The following ISCA1 variants were observed in gnomAD, a reference collection of about 807,000 sequenced individuals.
ISCA1 encodes iron-sulfur cluster assembly 1.
A neutral mutation model predicts 14.7 loss-of-function variants in ISCA1; 9 were observed. That is an observed-to-expected ratio of 0.61 (90% CI 0.37 to 1.07). The LOEUF (loss-of-function observed/expected upper bound fraction) is 1.07. Among genes scored for constraint, ISCA1 ranks in the 50% least tolerant of loss-of-function variants. The probability of loss-of-function intolerance (pLI) is 0.01; values close to 1 mark genes in which losing one functional copy is unlikely to be tolerated. For missense variants in ISCA1, 102 were observed against 150.1 expected (o/e 0.68, Z 1.67); for synonymous variants, 38 against 54.3 (o/e 0.70, Z 1.32).
intron 1 of ISCA1, among the ~76,000 whole-genome samples, chr9:86,276,086 T>C (rs1825436644): frequency 6.6e-6 from 1 of 152,130 alleles, no homozygotes; most frequent in South Asian, 2.1e-4. Context: ...AATAATTATA[T>C]AACTCATCAA....
chr9:86,282,195 T>C lies in ISCA1; in HGVS notation c.81+183A>G, dbSNP rs554464930. 4.0e-5 allele frequency: 26 copies of C among 653,566 alleles called. No homozygotes were observed. In the East Asian group the frequency reaches 7.6e-4, roughly 19 times the overall value. The allele number at this position is 653,566 out of a possible 1,614,324, so 40.5% of individuals were successfully genotyped here. Reference sequence around the variant, plus strand: ...AGAGAGCAGCCCCGCCCGGGACTTGTTTATCGTTGCAAAGAGGGGCCGGAG... The same window carrying C: ...AGAGAGCAGCCCCGCCCGGGACTTGCTTATCGTTGCAAAGAGGGGCCGGAG... On this transcript the variant is annotated intron_variant, in intron 1 of 3. Transcript: ENST00000375991.
intron 2 of ISCA1, among the ~76,000 whole-genome samples, chr9:86,272,486 G>C (rs1365092070): frequency 6.6e-6 from 1 of 152,206 alleles, no homozygotes; most frequent in Admixed American, 6.5e-5. Context: ...TTATAGTGCA[G>C]ACTTGTGTAC....
chr9:86,265,979 T>C lies in ISCA1; in HGVS notation c.*64A>G, dbSNP rs566679381. ...CAGCACGTGACAGTCACATGATTTC[T>C]GCAGTGAGCCCCAAAGCTTCCACGA... On this transcript the variant is annotated 3_prime_UTR_variant, in exon 4 of 4. Coordinates refer to ENST00000375991, the MANE Select transcript of ISCA1 (RefSeq NM_030940.4). The C allele has an allele frequency of 8.7e-6, 14 of 1,606,264 alleles. No individual in the cohort carries two copies. Among genetic ancestry groups the C allele is most frequent in the Admixed American group, 3.3e-5 (2 of 60,002 alleles).
chr9:86,272,827 G>T (rs1023792294), intron 2 of ISCA1, among the ~76,000 whole-genome samples: 1 of 152,158 alleles, frequency 6.6e-6, no homozygotes, highest in Non-Finnish European at 1.5e-5. Context: ...TTGAATACCT[G>T]TAACAATGTA....
intron 3 of ISCA1, among the ~76,000 whole-genome samples, chr9:86,269,808 C>T (rs1768785040): frequency 1.3e-5 from 2 of 152,036 alleles, no homozygotes; most frequent in African/African-American, 4.8e-5. Flanking sequence ...ACTATCTGAT[C>T]TTTGACAAAC....
chr9:86,274,310 C>A, intron 1 of ISCA1, 68 bp from the exon 2 acceptor site: 1 of 1,041,132 alleles, frequency 9.6e-7, no homozygotes, highest in South Asian at 1.3e-5. Flanking sequence ...TATCAGTCTT[C>A]GTAAGTCTGT....
intron 2 of ISCA1, among the ~76,000 whole-genome samples, chr9:86,272,760 C>A (rs1216254453): frequency 6.6e-6 from 1 of 152,170 alleles, no homozygotes; most frequent in African/African-American, 2.4e-5. Context: ...AATGGCACTG[C>A]ATTTGTATAT....
rs1277492298 is a variant in ISCA1 at position 86,282,396 on chromosome 9, G to C, written c.63C>G (p.Thr21=). The C allele has an allele frequency of 1.5e-5, 23 of 1,552,296 alleles. No homozygotes were observed. In the East Asian group the frequency reaches 4.4e-4, roughly 29 times the overall value. Residue 21 remains threonine, a synonymous_variant, in exon 1 of 4, where the codon ACC becomes ACG. Transcript: ENST00000375991. ...RAVSKRKLQP[T]RAALTLTPSA... ...CACTCACCAGGGTGAGGGCTGCCCG[G>C]GTGGGCTGCAGCTTCCTCTTGCTCA...
At chr9:86,281,045 G>A (rs930694980) in intron 1 of ISCA1, among the ~76,000 whole-genome samples, 1 of 152,016 alleles carries the variant, frequency 6.6e-6, no homozygotes, top group African/African-American at 2.4e-5. Context: ...GAACCTTCTG[G>A]CTCTTCCTGG....
intron 1 of ISCA1, among the ~76,000 whole-genome samples, chr9:86,277,630 A>G (rs1825454322): frequency 6.6e-6 from 1 of 152,218 alleles, no homozygotes; most frequent in South Asian, 2.1e-4. Context: ...ACTACACAGC[A>G]TGCTGCAGGG....
chr9:86,280,973 A>C lies in ISCA1; in HGVS notation c.81+1405T>G, dbSNP rs528186856. 3.0e-4 allele frequency among the ~76,000 whole-genome samples: 38 copies of C among 125,400 alleles called. 1 individual carries two copies. The highest frequency in any genetic ancestry group is 1.1e-3 in the Admixed American group (15 of 13,906). 82.3% of individuals were successfully genotyped at this position (125,400 alleles called of 152,430 possible). A position where few individuals can be genotyped will look rare whatever the true frequency, so the allele number is the denominator to read the frequency against. On this transcript the variant is annotated intron_variant, in intron 1 of 3. Coordinates refer to ENST00000375991, the MANE Select transcript of ISCA1 (RefSeq NM_030940.4). ...ACAAACAAACAAACAAAAAACAAAA[A>C]ACAAAAAACCCAGTTAATAGGGTTG... is the stretch of plus-strand genomic sequence containing the variant.
chr9:86,282,238 G>A, intron 1 of ISCA1, 140 bp downstream of exon 1: 1 of 877,498 alleles, frequency 1.1e-6, no homozygotes, highest in South Asian at 1.9e-5. Context: ...AGGCGGCGAG[G>A]CTGTGCGGCG....
intron 1 of ISCA1, among the ~76,000 whole-genome samples, chr9:86,277,153 T>A (rs1825448581): frequency 6.6e-6 from 1 of 152,168 alleles, no homozygotes; most frequent in Admixed American, 6.5e-5. Flanking sequence ...AACACTTAAA[T>A]ACAGTAAATG....
chr9:86,272,655 C>A (rs892909193), intron 2 of ISCA1, among the ~76,000 whole-genome samples: 8 of 152,186 alleles, frequency 5.3e-5, no homozygotes, highest in African/African-American at 9.6e-5. Flanking sequence ...GCTGATTTTT[C>A]ATTTAAATAC....
At chr9:86,269,674 C>T (rs1392472041) in intron 3 of ISCA1, among the ~76,000 whole-genome samples, 2 of 151,920 alleles carry the variant, frequency 1.3e-5, no homozygotes, top group African/African-American at 4.8e-5. Context: ...AGGCATCACG[C>T]TACTTGACTT....
In ISCA1 at chr9:86,265,699, T is replaced by C. The variant is rs900945180; in HGVS notation, c.*344A>G. The stretch of plus-strand genomic sequence containing the variant: ...CAGATTTTAGGAGTCACCGATCTGG[T>C]TGGGAGAAATGCTGAGGGATGATCA... On this transcript the variant is annotated 3_prime_UTR_variant, in exon 4 of 4. Transcript: ENST00000375991. The C allele has an allele frequency of 4.4e-5, 12 of 273,858 alleles. No homozygotes were observed. Among genetic ancestry groups the C allele is most frequent in the African/African-American group, 8.9e-5 (4 of 44,894 alleles). The allele number at this position is 273,858 out of a possible 1,614,324, so 17.0% of individuals were successfully genotyped here.
chr9:86,267,185 A>T (rs940622123), intron 3 of ISCA1: 2 of 301,546 alleles, frequency 6.6e-6, no homozygotes, highest in Non-Finnish European at 4.9e-6. Flanking sequence ...TGATTGTGCC[A>T]CTGCACTCCA....
intron 1 of ISCA1, among the ~76,000 whole-genome samples, chr9:86,280,596 A>T: frequency 3.8e-5 from 5 of 133,048 alleles, no homozygotes; most frequent in South Asian, 4.5e-4. Context: ...CCCTGTCTCA[A>T]AAAAAAAAAA....
intron 3 of ISCA1, among the ~76,000 whole-genome samples, chr9:86,268,552 C>T (rs143179572): frequency 6.6e-6 from 1 of 151,776 alleles, no homozygotes; most frequent in Non-Finnish European, 1.5e-5. Flanking sequence ...GTCTATAGTA[C>T]TACGGAGGAA....
Sources: gnomAD v4.1 joint callset for allele counts (sites outside exome capture counted in the v4.1 genomes callset) on GRCh38, gnomAD v4.1.1 for gene constraint, MANE v1.5 for transcripts, NCBI Gene and HGNC (gene_info 2026-07-23, HGNC 2026-07-21) for gene names.